Variants in LRRC36 observed in about 807,000 individuals in gnomAD.
The protein encoded by LRRC36 is leucine rich repeat containing 36.
Under a neutral mutation model 81.1 loss-of-function variants are expected in LRRC36, and 62 were observed. The observed-to-expected ratio is 0.76, with a 90% confidence interval of 0.62 to 0.94. LRRC36 has a LOEUF of 0.94. LRRC36 is among the 40% of genes least tolerant of loss of function. LRRC36 has a pLI of 0.00. For synonymous variants in LRRC36, 334 were observed against 348.6 expected, an observed-to-expected ratio of 0.96 and a Z score of 0.47; for missense variants, 761 against 881.7, an observed-to-expected ratio of 0.86 and a Z score of 1.73.
chr16:67,330,722 C>T lies in LRRC36; in HGVS notation c.70+3790C>T, dbSNP rs111451621. ...ACTAAAAATACAAAAAAAATTAGCC[C>T]GGCATGGTGGCAGGTGCCTATAATC... On this transcript the variant is annotated intron_variant, in intron 1 of 13. Coordinates refer to ENST00000329956, the MANE Select transcript of LRRC36 (RefSeq NM_018296.6). Among the ~76,000 whole-genome samples the T allele has an allele frequency of 4.4e-3, 666 of 151,984 alleles. 5 individuals carry two copies. The highest frequency in any genetic ancestry group is 0.015 in the African/African-American group (636 of 41,440).
intron 1 of LRRC36, among the ~76,000 whole-genome samples, chr16:67,335,776 A>T (rs2037731103): frequency 6.7e-6 from 1 of 149,900 alleles, no homozygotes; most frequent in Non-Finnish European, 1.5e-5. Flanking sequence ...GTTGTTGCCC[A>T]GGCTGGAATG....
At chr16:67,333,717 T>C (rs2037612687) in intron 1 of LRRC36, among the ~76,000 whole-genome samples, 1 of 152,220 alleles carries the variant, frequency 6.6e-6, no homozygotes, top group Non-Finnish European at 1.5e-5. Context: ...TGTTTTAGCA[T>C]GTATTAATAC....
At chr16:67,354,979 T>C (rs1421243716) in intron 5 of LRRC36, among the ~76,000 whole-genome samples, 1 of 152,254 alleles carries the variant, frequency 6.6e-6, no homozygotes, top group East Asian at 1.9e-4. Context: ...GTATTGCCTT[T>C]TCCAGAATGT....
chr16:67,327,166 A>T lies in LRRC36; in HGVS notation c.70+234A>T, dbSNP rs1341072960. ...AGAGCCCGAGGAATTGAGAGAGAAG[A>T]GGGGAGTGTGAAGTAGGGAAGGAGA... On this transcript the variant is annotated intron_variant, in intron 1 of 13. Coordinates refer to ENST00000329956, the MANE Select transcript of LRRC36 (RefSeq NM_018296.6). The T allele has an allele frequency of 4.5e-6, 2 of 441,852 alleles. 1 individual carries two copies. The highest frequency in any genetic ancestry group is 9.0e-5 in the Admixed American group (2 of 22,184). The allele number at this position is 441,852 out of a possible 1,614,324, so 27.4% of individuals were successfully genotyped here.
At chr16:67,351,929 C>T (rs2038661359) in intron 5 of LRRC36, among the ~76,000 whole-genome samples, 1 of 152,042 alleles carries the variant, frequency 6.6e-6, no homozygotes, top group African/African-American at 2.4e-5. Flanking sequence ...GGTATACAGC[C>T]TTCCTTGGTA....
At position 67,334,960 on chromosome 16, in the gene LRRC36, T is replaced by C. The variant is rs369223811; in HGVS notation, c.71-6997T>C. On this transcript the variant is annotated intron_variant, in intron 1 of 13. Transcript: ENST00000329956. ...GTGTACGAATAGGGGGTGGGTCACA[T>C]AGATCACATGCTTCACAAGGTAATA... is the stretch of plus-strand genomic sequence containing the variant. Among the ~76,000 whole-genome samples, 958 of 152,130 alleles carry C rather than the reference T, an allele frequency of 6.3e-3. 8 individuals are homozygous for C. The highest frequency in any genetic ancestry group is 0.022 in the African/African-American group (895 of 41,500).
intron 5 of LRRC36, among the ~76,000 whole-genome samples, chr16:67,361,473 T>C (rs995142799): frequency 1.3e-5 from 2 of 152,228 alleles, no homozygotes; most frequent in Non-Finnish European, 2.9e-5. Flanking sequence ...AAAATAAAAT[T>C]ATAATACAGG....
chr16:67,337,150 C>T (rs2037800607), intron 1 of LRRC36, among the ~76,000 whole-genome samples: 1 of 152,020 alleles, frequency 6.6e-6, no homozygotes. Flanking sequence ...TGTTGATGGG[C>T]ATTTGGGTTG....
chr16:67,367,849 G>A (rs1167954471), intron 8 of LRRC36, among the ~76,000 whole-genome samples: 9 of 152,080 alleles, frequency 5.9e-5, no homozygotes, highest in East Asian at 1.9e-4. Context: ...TCAGGAGTTC[G>A]ACACCAGCCT....
chr16:67,373,181 C>A (rs1426741381), intron 9 of LRRC36, among the ~76,000 whole-genome samples: 1 of 151,762 alleles, frequency 6.6e-6, no homozygotes, highest in African/African-American at 2.4e-5. Context: ...AGGAGACCCT[C>A]TCTCTACAAA....
rs773774336 is a variant in LRRC36, at chr16:67,371,129, A to G, written c.1381A>G (p.Lys461Glu). Reference protein sequence around the residue: ...LLSPGTSEHRKIFTKRSLSPS... With the variant: ...LLSPGTSEHREIFTKRSLSPS... ...GTCTCCTGGGACTTCAGAACACAGAAAGATTTTTACCAAGAGGTCACTAAG... is the reference window on the plus strand; with the variant it reads ...GTCTCCTGGGACTTCAGAACACAGAGAGATTTTTACCAAGAGGTCACTAAG... The change falls in exon 9 of 14, where the codon AAG (lysine) becomes GAG (glutamate). Residue 461 changes from lysine to glutamate, a missense_variant. By Grantham distance (56) the Lys-to-Glu change is moderately conservative. Transcript: ENST00000329956. 2 of 1,614,232 alleles carry G rather than the reference A, an allele frequency of 1.2e-6. No homozygotes were observed. Among genetic ancestry groups the G allele is most frequent in the Admixed American group, 1.7e-5 (1 of 60,022 alleles).
chr16:67,333,274 G>A (rs1276263013), intron 1 of LRRC36, among the ~76,000 whole-genome samples: 10 of 152,084 alleles, frequency 6.6e-5, no homozygotes, highest in Non-Finnish European at 1.2e-4. Context: ...TGGGACTGCA[G>A]GCACGTCCCA....
intron 1 of LRRC36, among the ~76,000 whole-genome samples, chr16:67,340,996 A>ATATAGAATATGTATTC (rs1389295058): frequency 8.3e-6 from 1 of 120,328 alleles, no homozygotes; most frequent in Non-Finnish European, 1.6e-5. Flanking sequence ...TGTATATTAT[A>ATATAGAATATGTATTC]TATAGAATAT....
chr16:67,329,976 T>A (rs2037404515), intron 1 of LRRC36, among the ~76,000 whole-genome samples: 1 of 152,202 alleles, frequency 6.6e-6, no homozygotes, highest in African/African-American at 2.4e-5. Flanking sequence ...GGTTGATGTA[T>A]GTCTTAAGTC....
At chr16:67,365,082 G>A (rs2039321835) in intron 6 of LRRC36, 5 of 493,538 alleles carry the variant, frequency 1.0e-5, no homozygotes. Flanking sequence ...TGTTTGCTAT[G>A]TCCTTTACTT....
rs191983994 is a variant in LRRC36 at position 67,337,212 on chromosome 16, A to G, written c.71-4745A>G. 1.3e-4 allele frequency among the ~76,000 whole-genome samples: 20 copies of G among 152,282 alleles called. No homozygotes were observed. The East Asian group carries it at 3.7e-3, about 28-fold the overall frequency. On this transcript the variant is annotated intron_variant, in intron 1 of 13. Coordinates refer to ENST00000329956, the MANE Select transcript of LRRC36 (RefSeq NM_018296.6). ...ATGCTGCTATGGATGTTGGTGTACA[A>G]ATACTGTTCAGGTCCTTGCTTTCAA...
At chr16:67,333,453 C>A (rs534193176) in intron 1 of LRRC36, among the ~76,000 whole-genome samples, 11 of 152,212 alleles carry the variant, frequency 7.2e-5, no homozygotes, top group African/African-American at 2.2e-4. Flanking sequence ...ATATACAATT[C>A]AGGGTCATTT....
chr16:67,351,685 C>T (rs113508583), intron 5 of LRRC36, among the ~76,000 whole-genome samples: 14 of 152,190 alleles, frequency 9.2e-5, no homozygotes, highest in Admixed American at 2.0e-4. Flanking sequence ...CTAGCCTGAG[C>T]GACAGAGTGA....
Position 67,359,325 on chromosome 16 carries a change from C to A in LRRC36, c.578-4265C>A, listed in dbSNP as rs545837739. Among the ~76,000 whole-genome samples the A allele has an allele frequency of 1.2e-4, 19 of 152,278 alleles. No homozygotes were observed. In the South Asian group the frequency reaches 1.5e-3, roughly 12 times the overall value. On this transcript the variant is annotated intron_variant, in intron 5 of 13. Coordinates refer to ENST00000329956, the MANE Select transcript of LRRC36 (RefSeq NM_018296.6). ...ATTAAAAAGGAATGAAGTACTAACACATGCTATAACATGTATTTTGAAAAC... is the reference window on the plus strand; with the variant it reads ...ATTAAAAAGGAATGAAGTACTAACAAATGCTATAACATGTATTTTGAAAAC...
Sources: gnomAD v4.1 joint callset for allele counts (sites outside exome capture counted in the v4.1 genomes callset) on GRCh38, gnomAD v4.1.1 for gene constraint, MANE v1.5 for transcripts, NCBI Gene and HGNC (gene_info 2026-07-23, HGNC 2026-07-21) for gene names.